The following SAMTOR variants were observed in gnomAD, a reference collection of about 807,000 sequenced individuals.
SAMTOR encodes UPF0532 protein C7orf60.
At chr7:112,939,542 T>TG in the SAMTOR span, 1 of 1,612,188 alleles carries the variant, frequency 6.2e-7, no homozygotes, top group African/African-American at 1.3e-5. Context: ...GACAAGCGGT[T>TG]GGGGGTGATG....
chr7:112,895,278 T>C, the SAMTOR span, among the ~76,000 whole-genome samples: 1 of 151,460 alleles, frequency 6.6e-6, no homozygotes, highest in Non-Finnish European at 1.5e-5. Context: ...ATAACATATA[T>C]GTAATATATA....
the SAMTOR span, among the ~76,000 whole-genome samples, chr7:112,837,680 T>C: frequency 6.6e-6 from 1 of 151,996 alleles, no homozygotes; most frequent in Non-Finnish European, 1.5e-5. Flanking sequence ...TTGTTTTATA[T>C]GTCTGTGTGT....
chr7:112,905,155 C>T, the SAMTOR span, among the ~76,000 whole-genome samples: 1 of 152,180 alleles, frequency 6.6e-6, no homozygotes, highest in African/African-American at 2.4e-5. Context: ...GTTTACTCTG[C>T]CCTGCCTTGG....
the SAMTOR span, among the ~76,000 whole-genome samples, chr7:112,893,375 T>G: frequency 2.0e-5 from 3 of 152,356 alleles, no homozygotes; most frequent in African/African-American, 7.2e-5. Flanking sequence ...TGCTTCACCT[T>G]GCACTTTATG....
the SAMTOR span, among the ~76,000 whole-genome samples, chr7:112,905,977 G>A: frequency 6.6e-6 from 1 of 152,080 alleles, no homozygotes. Context: ...GACAACCCAA[G>A]AGAATCAATC....
At chr7:112,919,071 C>T in the SAMTOR span, among the ~76,000 whole-genome samples, 87 of 152,294 alleles carry the variant, frequency 5.7e-4, no homozygotes, top group African/African-American at 2.0e-3. Flanking sequence ...TATCCAGGAA[C>T]TGAACTCAGC....
At chr7:112,823,645 G>A in the SAMTOR span, among the ~76,000 whole-genome samples, 1 of 152,158 alleles carries the variant, frequency 6.6e-6, no homozygotes, top group African/African-American at 2.4e-5. Flanking sequence ...CCATACATGT[G>A]TTTGAATCAA....
At chr7:112,828,167 CATT>C in the SAMTOR span, among the ~76,000 whole-genome samples, 1 of 152,198 alleles carries the variant, frequency 6.6e-6, no homozygotes, top group East Asian at 1.9e-4. Context: ...CACTCTATAT[CATT>C]ATTTTTGCTT....
chr7:112,929,816 T>C, the SAMTOR span, among the ~76,000 whole-genome samples: 6 of 152,062 alleles, frequency 3.9e-5, no homozygotes, highest in Non-Finnish European at 7.4e-5. Flanking sequence ...CAGAGATGCA[T>C]GCATTGTCAA....
At chr7:112,898,479 C>A in the SAMTOR span, among the ~76,000 whole-genome samples, 1 of 152,186 alleles carries the variant, frequency 6.6e-6, no homozygotes, top group Non-Finnish European at 1.5e-5. Flanking sequence ...TAAAACAAAG[C>A]ACCAGGCAGA....
the SAMTOR span, among the ~76,000 whole-genome samples, chr7:112,842,949 A>G: frequency 6.6e-6 from 1 of 152,150 alleles, no homozygotes; most frequent in South Asian, 2.1e-4. Context: ...TTAAAAAACT[A>G]AAACTACAGA....
chr7:112,905,930 C>G, the SAMTOR span, among the ~76,000 whole-genome samples: 2 of 152,034 alleles, frequency 1.3e-5, no homozygotes, highest in Non-Finnish European at 2.9e-5. Flanking sequence ...AGAAATAAAA[C>G]TTTGTGTATT....
chr7:112,833,056 G>A, the SAMTOR span, among the ~76,000 whole-genome samples: 4 of 152,082 alleles, frequency 2.6e-5, no homozygotes, highest in Admixed American at 6.6e-5. Context: ...GATTAGAGGC[G>A]TGAGCCACTG....
the SAMTOR span, among the ~76,000 whole-genome samples, chr7:112,827,393 T>C: frequency 6.6e-6 from 1 of 152,230 alleles, no homozygotes; most frequent in Non-Finnish European, 1.5e-5. Context: ...TAACTAAATT[T>C]TTTATGATTT....
the SAMTOR span, chr7:112,821,828 C>T: frequency 2.7e-5 from 44 of 1,613,270 alleles, 1 homozygote; most frequent in African/African-American, 1.9e-4. Context: ...AGTCATATGG[C>T]GCATCAGGGA....
chr7:112,908,640 A>G, the SAMTOR span, among the ~76,000 whole-genome samples: 4 of 152,172 alleles, frequency 2.6e-5, no homozygotes, highest in Non-Finnish European at 5.9e-5. Context: ...ACAACACACT[A>G]CCACCTACAG....
chr7:112,937,749 G>T, the SAMTOR span, among the ~76,000 whole-genome samples: 2 of 145,694 alleles, frequency 1.4e-5, no homozygotes, highest in East Asian at 4.0e-4. Context: ...AAACTGCCAG[G>T]ACTTTAACTC....
At chr7:112,866,993 GCT>G in the SAMTOR span, among the ~76,000 whole-genome samples, 6 of 152,114 alleles carry the variant, frequency 3.9e-5, no homozygotes, top group African/African-American at 1.4e-4. Flanking sequence ...TAAAAATTGG[GCT>G]CTGTTTTCCC....
chr7:112,822,094 T>TG, the SAMTOR span: 1 of 1,613,684 alleles, frequency 6.2e-7, no homozygotes, highest in African/African-American at 1.3e-5. Flanking sequence ...CAGCTTTTCA[T>TG]CATCATAGCA....
Sources: allele counts gnomAD v4.1 joint callset (sites outside exome capture counted in the v4.1 genomes callset), GRCh38; gene constraint gnomAD v4.1.1; transcripts MANE v1.5; gene names NCBI Gene and HGNC (gene_info 2026-07-23, HGNC 2026-07-21).